The following RELN variants were observed in gnomAD, a reference collection of about 807,000 sequenced individuals.
RELN encodes the protein reelin.
In RELN, 108 loss-of-function variants were observed where a neutral mutation model predicts 427.6. The ratio of observed to expected loss-of-function variants is 0.25; its 90% CI spans 0.22 to 0.30. RELN has a LOEUF of 0.30. Among genes scored for constraint, RELN ranks in the 10% least tolerant of loss-of-function variants. RELN has a pLI of 1.00. For synonymous variants in RELN, 1,524 were observed against 1,513.4 expected (o/e 1.01, Z -0.16); for missense variants, 3,715 against 4,302.8 (o/e 0.86, Z 3.82).
chr7:103,862,441 AT>A (rs1794094502), intron 2 of RELN, among the ~76,000 whole-genome samples: 2 of 151,592 alleles, frequency 1.3e-5, no homozygotes. Flanking sequence ...CTATCTATCT[AT>A]CTATCTATCT....
chr7:103,691,620 C>A (rs1176440467), intron 10 of RELN, among the ~76,000 whole-genome samples: 2 of 152,046 alleles, frequency 1.3e-5, no homozygotes, highest in African/African-American at 4.8e-5. Flanking sequence ...CCAGACCAGC[C>A]TGCCTAACAT....
At position 103,611,669 on chromosome 7, in the gene RELN, T is replaced by G. The variant is rs755678197; in HGVS notation, c.2837A>C (p.Asn946Thr). 6.2e-7 allele frequency: 1 copy of G among 1,613,888 alleles called. No individual in the cohort carries two copies. Among genetic ancestry groups the G allele is most frequent in the East Asian group, 2.2e-5 (1 of 44,802 alleles). Residue 946 changes from asparagine (N) to threonine (T), a missense_variant, in exon 21 of 65, where the codon AAC becomes ACC. Physicochemically the swap from Asn to Thr is moderately conservative, Grantham distance 65. Around this residue, in one of 4 missense-constraint regions of RELN, gnomAD observed 2,208 missense variants for 2,361.7 expected, o/e 0.93. Transcript: ENST00000428762. ...GGTTGAGTACTCCAGCTTCACCTGG[T>G]TGTCCATGTGTGGGGTGTATTTCTG... ...CGQKYTPHMD[N>T]QVKLEYSTNH...
At chr7:103,490,954 A>C in intron 58 of RELN, 125 bp from the exon 59 acceptor site, 1 of 836,524 alleles carries the variant, frequency 1.2e-6, no homozygotes, top group Non-Finnish European at 1.9e-6. Context: ...TGTTTTCTAT[A>C]AACATTTATA....
chr7:103,867,349 A>G (rs568241277), intron 2 of RELN, among the ~76,000 whole-genome samples: 1 of 151,786 alleles, frequency 6.6e-6, no homozygotes, highest in South Asian at 2.1e-4. Context: ...CCCTAAGAGA[A>G]AGATTAGTTC....
At chr7:103,709,506 A>C (rs1227471311) in intron 8 of RELN, among the ~76,000 whole-genome samples, 2 of 152,214 alleles carry the variant, frequency 1.3e-5, no homozygotes, top group African/African-American at 4.8e-5. Flanking sequence ...GTTGTTACCC[A>C]GTTCTAGGAC....
chr7:103,557,057 A>T lies in RELN; in HGVS notation c.5717T>A (p.Ile1906Lys). ...TGGCAAGGGAACATTGATGAAAAGTATATTCGTTGTTTGAGGAAAGTAAAA... is the reference window on the plus strand; with the variant it reads ...TGGCAAGGGAACATTGATGAAAAGTTTATTCGTTGTTTGAGGAAAGTAAAA... Reference protein sequence around the residue: ...DEFYFPQTTNILFINVPLPYT... With the variant: ...DEFYFPQTTNKLFINVPLPYT... Residue 1906 changes from isoleucine (I) to lysine (K), a missense_variant, in exon 38 of 65, where the codon ATA becomes AAA. Around this residue, in one of 4 missense-constraint regions of RELN, gnomAD observed 2,208 missense variants for 2,361.7 expected, o/e 0.93. Transcript: ENST00000428762. 6.2e-7 allele frequency: 1 copy of T among 1,613,692 alleles called. No homozygotes were observed. The highest frequency in any genetic ancestry group is 8.5e-7 in the Non-Finnish European group (1 of 1,179,536).
intron 2 of RELN, among the ~76,000 whole-genome samples, chr7:103,909,035 C>T (rs1321107676): frequency 6.6e-6 from 1 of 152,078 alleles, no homozygotes; most frequent in Non-Finnish European, 1.5e-5. Flanking sequence ...TAAATTTAGC[C>T]AGGTTATTCT....
At chr7:103,801,194 C>G (rs1792455704) in intron 3 of RELN, among the ~76,000 whole-genome samples, 2 of 152,224 alleles carry the variant, frequency 1.3e-5, no homozygotes, top group African/African-American at 4.8e-5. Flanking sequence ...GGATCTAGAT[C>G]TAGAAATACC....
intron 10 of RELN, among the ~76,000 whole-genome samples, chr7:103,684,499 C>A (rs115089117): frequency 6.6e-6 from 1 of 152,144 alleles, no homozygotes; most frequent in Non-Finnish European, 1.5e-5. Context: ...AAATTCAGCA[C>A]CTACATGAAG....
At chr7:103,711,447 A>G (rs59405792) in intron 8 of RELN, among the ~76,000 whole-genome samples, 43,033 of 152,090 alleles carry the variant, frequency 0.28, 6,248 homozygotes, top group South Asian at 0.38. Flanking sequence ...AGAATACAAA[A>G]TTCATTTTCC....
intron 6 of RELN, among the ~76,000 whole-genome samples, chr7:103,734,274 C>A (rs910905280): frequency 3.9e-5 from 6 of 152,056 alleles, no homozygotes; most frequent in African/African-American, 1.4e-4. Flanking sequence ...TTCTGTTGTT[C>A]AATTTGAAAA....
chr7:103,607,679 G>T (rs1419299909), intron 22 of RELN, among the ~76,000 whole-genome samples: 1 of 152,162 alleles, frequency 6.6e-6, no homozygotes, highest in Non-Finnish European at 1.5e-5. Flanking sequence ...AGACTGAAAT[G>T]AAACAGTATT....
intron 11 of RELN, among the ~76,000 whole-genome samples, chr7:103,664,147 A>G (rs992937596): frequency 6.6e-6 from 1 of 152,216 alleles, no homozygotes; most frequent in African/African-American, 2.4e-5. Flanking sequence ...TAGTCAAACA[A>G]AAACCTTCCA....
intron 28 of RELN, among the ~76,000 whole-genome samples, chr7:103,581,316 A>G (rs1179944606): frequency 6.6e-6 from 1 of 151,956 alleles, no homozygotes; most frequent in South Asian, 2.1e-4. Flanking sequence ...GTTTATTATT[A>G]TTATTTTTGA....
intron 41 of RELN, among the ~76,000 whole-genome samples, chr7:103,550,336 A>G (rs762497687): frequency 3.3e-5 from 5 of 152,152 alleles, no homozygotes; most frequent in Non-Finnish European, 7.3e-5. Flanking sequence ...TGAAAGTATG[A>G]TATTAGTACT....
intron 34 of RELN, 151 bp from the exon 35 acceptor site, chr7:103,562,104 A>C (rs1478950997): frequency 2.3e-6 from 2 of 872,612 alleles, no homozygotes; most frequent in African/African-American, 3.4e-5. Context: ...TTTTCCTACT[A>C]AGTAGTAAGA....
At chr7:103,597,790 C>CA (rs1831572303) in intron 24 of RELN, among the ~76,000 whole-genome samples, 2 of 152,126 alleles carry the variant, frequency 1.3e-5, no homozygotes, top group Non-Finnish European at 2.9e-5. Context: ...CTTAGTGAGT[C>CA]CCCTGCAGGT....
At chr7:103,957,476 C>T (rs1796456411) in intron 1 of RELN, among the ~76,000 whole-genome samples, 3 of 152,256 alleles carry the variant, frequency 2.0e-5, no homozygotes, top group Non-Finnish European at 4.4e-5. Flanking sequence ...ATTTCACCTT[C>T]GTGGCAATCT....
intron 5 of RELN, among the ~76,000 whole-genome samples, chr7:103,750,600 G>A (rs1253191083): frequency 6.6e-6 from 1 of 152,070 alleles, no homozygotes; most frequent in Non-Finnish European, 1.5e-5. Flanking sequence ...GAACATTCTG[G>A]CTATTTATTC....
Sources: allele counts gnomAD v4.1 joint callset (sites outside exome capture counted in the v4.1 genomes callset), GRCh38; gene constraint gnomAD v4.1.1; regional missense constraint gnomAD v4.1.1; transcripts MANE v1.5; gene names NCBI Gene and HGNC (gene_info 2026-07-23, HGNC 2026-07-21).